Variants in RAB20 observed in about 807,000 individuals in gnomAD.
RAB20 encodes the protein ras-related protein Rab-20.
In RAB20, 2 loss-of-function variants were observed where a neutral mutation model predicts 3.7. That is an observed-to-expected ratio of 0.54 (90% CI 0.22 to 1.69). The LOEUF is 1.69. RAB20 is among the 40% of genes most tolerant of loss of function. The probability of loss-of-function intolerance (pLI) is 0.19; values close to 1 mark genes in which losing one functional copy is unlikely to be tolerated. For synonymous variants in RAB20, 126 were observed against 130.8 expected (o/e 0.96, Z 0.25); for missense variants, 276 against 311.9 (o/e 0.88, Z 0.87).
At chr13:110,557,613 A>G (rs1208694527) in intron 1 of RAB20, among the ~76,000 whole-genome samples, 1 of 152,248 alleles carries the variant, frequency 6.6e-6, no homozygotes, top group Non-Finnish European at 1.5e-5. Flanking sequence ...GCTCCCACAG[A>G]CGTGCATCCA....
Position 110,523,469 on chromosome 13 carries a change from CCTCTG to C in RAB20, c.*191_*195del. The stretch of plus-strand genomic sequence containing the variant: ...GATTCCTGTTTCCCACCTCCCCACC[CCTCTG>C]ACAGAGACTGAGGAGACCACACACG... On this transcript the variant is annotated 3_prime_UTR_variant, in exon 2 of 2. Transcript: ENST00000267328. 9.2e-7 allele frequency: 1 copy of C among 1,086,876 alleles called. No homozygotes were observed. The highest frequency in any genetic ancestry group is 1.3e-6 in the Non-Finnish European group (1 of 783,778). The allele number at this position is 1,086,876 out of a possible 1,614,324, so 67.3% of individuals were successfully genotyped here.
Position 110,555,207 on chromosome 13 carries a change from C to T in RAB20, c.172+6141G>A, listed in dbSNP as rs78566711. The stretch of plus-strand genomic sequence containing the variant: ...GGAAGCACGAGTTTCGGAGGCAGCC[C>T]GTCCTGTTACACACAGGCCACACCT... On this transcript the variant is annotated intron_variant, in intron 1 of 1. Coordinates refer to ENST00000267328, the MANE Select transcript of RAB20 (RefSeq NM_017817.3). This position sits in a 1 kb window ranked among gnomAD's most constrained non-coding sequence, Gnocchi z 4.0. Among the ~76,000 whole-genome samples the T allele has an allele frequency of 6.1e-3, 927 of 152,278 alleles. 12 individuals are homozygous for T. The highest frequency in any genetic ancestry group is 0.021 in the African/African-American group (883 of 41,550).
intron 1 of RAB20, among the ~76,000 whole-genome samples, chr13:110,528,533 G>T (rs1270768569): frequency 6.6e-6 from 1 of 151,690 alleles, no homozygotes; most frequent in African/African-American, 2.4e-5. Context: ...GCATCATGAG[G>T]TTTTTACATG....
In RAB20 at chr13:110,561,341, G is replaced by A. The variant is rs760085388; in HGVS notation, c.172+7C>T. 5 of 1,591,832 alleles carry A rather than the reference G, an allele frequency of 3.1e-6. No individual in the cohort carries two copies. The highest frequency in any genetic ancestry group is 2.4e-5 in the East Asian group (1 of 42,312). The stretch of plus-strand genomic sequence containing the variant: ...GGGCGGTGTGGCTCATGCGGCGCCG[G>A]CCTCACCTGCGGTGTCCCAGATGGA... On this transcript the variant is annotated splice_region_variant and intron_variant, in intron 1 of 1. Transcript: ENST00000267328.
Position 110,534,660 on chromosome 13 carries a change from C to T in RAB20, c.173-10463G>A, listed in dbSNP as rs187731730. On this transcript the variant is annotated intron_variant, in intron 1 of 1. Transcript: ENST00000267328. Reference sequence around the variant, plus strand: ...CCAAATGCTGATCCAATATGAACACCCTCTACTGTGCACCCCAGGGGGCTT... The same window carrying T: ...CCAAATGCTGATCCAATATGAACACTCTCTACTGTGCACCCCAGGGGGCTT... Among the ~76,000 whole-genome samples, 84 of 152,314 alleles carry T rather than the reference C, an allele frequency of 5.5e-4. No homozygotes were observed. The East Asian group carries it at 0.015, about 28-fold the overall frequency.
At position 110,538,623 on chromosome 13, in the gene RAB20, G is replaced by A. The variant is rs12876013; in HGVS notation, c.173-14426C>T. On this transcript the variant is annotated intron_variant, in intron 1 of 1. Coordinates refer to ENST00000267328, the MANE Select transcript of RAB20 (RefSeq NM_017817.3). ...AAAAAAAAAAAAAAAAAAAAAGAAA[G>A]AAAAGAAAAGAAAAGAAAAAGAAAT... Among the ~76,000 whole-genome samples the A allele has an allele frequency of 9.7e-3, 601 of 62,202 alleles. 14 individuals carry two copies. Among genetic ancestry groups the A allele is most frequent in the Middle Eastern group, 0.018 (2 of 114 alleles). 40.8% of individuals were successfully genotyped at this position (62,202 alleles called of 152,430 possible). A position where few individuals can be genotyped will look rare whatever the true frequency, so the allele number is the denominator to read the frequency against.
chr13:110,542,962 T>C (rs183113998), intron 1 of RAB20, among the ~76,000 whole-genome samples: 212 of 152,284 alleles, frequency 1.4e-3, no homozygotes, highest in Non-Finnish European at 2.4e-3. Context: ...CACTTACCCT[T>C]TGTCTTTCTG....
chr13:110,551,185 T>C (rs1439103315), intron 1 of RAB20, among the ~76,000 whole-genome samples: 1 of 152,074 alleles, frequency 6.6e-6, no homozygotes, highest in African/African-American at 2.4e-5. Context: ...AGTTTATAAA[T>C]CCAAGGAAAG....
intron 1 of RAB20, among the ~76,000 whole-genome samples, chr13:110,556,479 T>C (rs373841920): frequency 6.6e-6 from 1 of 152,176 alleles, no homozygotes; most frequent in Non-Finnish European, 1.5e-5. Context: ...AGAGACTCAT[T>C]TGGGACTTCT....
At chr13:110,537,360 A>G (rs547513975) in intron 1 of RAB20, among the ~76,000 whole-genome samples, 3 of 151,998 alleles carry the variant, frequency 2.0e-5, no homozygotes. Flanking sequence ...GGAATAAGCA[A>G]TGCCCTCTAA....
chr13:110,539,796 G>A (rs940182101), intron 1 of RAB20, among the ~76,000 whole-genome samples: 1 of 152,142 alleles, frequency 6.6e-6, no homozygotes, highest in South Asian at 2.1e-4. Context: ...CTGACCTCAG[G>A]TGATCCACCC....
In RAB20 at chr13:110,561,637, A is replaced by T. The variant is rs1308520015; in HGVS notation, c.-118T>A. The stretch of plus-strand genomic sequence containing the variant: ...CTCGCCGGGACCCGGATTCTCGTGA[A>T]CGCTCCGGGACCTTCGCCTCCGGAC... On this transcript the variant is annotated 5_prime_UTR_variant, in exon 1 of 2. Coordinates refer to ENST00000267328, the MANE Select transcript of RAB20 (RefSeq NM_017817.3). 6 of 1,429,808 alleles carry T rather than the reference A, an allele frequency of 4.2e-6. No homozygotes were observed. Among genetic ancestry groups the T allele is most frequent in the Non-Finnish European group, 5.5e-6 (6 of 1,090,550 alleles). The allele number at this position is 1,429,808 out of a possible 1,614,324, so 88.6% of individuals were successfully genotyped here.
rs560821831 is a variant in RAB20, at chr13:110,523,500, T to C, written c.*165A>G. On this transcript the variant is annotated 3_prime_UTR_variant, in exon 2 of 2. Transcript: ENST00000267328. ...ACAGAGACTGAGGAGACCACACACG[T>C]TGACCTCCTCTTCATAGCCAGCCAT... 13 of 1,294,770 alleles carry C rather than the reference T, an allele frequency of 1.0e-5. No individual in the cohort carries two copies. Among genetic ancestry groups the C allele is most frequent in the African/African-American group, 6.0e-5 (4 of 66,718 alleles). The allele number at this position is 1,294,770 out of a possible 1,614,324, so 80.2% of individuals were successfully genotyped here.
chr13:110,529,693 C>T (rs1427911970), intron 1 of RAB20, among the ~76,000 whole-genome samples: 2 of 152,174 alleles, frequency 1.3e-5, no homozygotes, highest in Non-Finnish European at 2.9e-5. Flanking sequence ...ACTACCAACA[C>T]GGGCCTGACA....
At chr13:110,540,941 C>CG (rs1884749184) in intron 1 of RAB20, among the ~76,000 whole-genome samples, 1 of 152,148 alleles carries the variant, frequency 6.6e-6, no homozygotes, top group Non-Finnish European at 1.5e-5. Flanking sequence ...CAGCAAGCCC[C>CG]GCGCAGCTGC....
rs1252139465 is a variant in RAB20 at position 110,523,710 on chromosome 13, G to A, written c.660C>T (p.Ser220=). 3 of 1,614,210 alleles carry A rather than the reference G, an allele frequency of 1.9e-6. No individual in the cohort carries two copies. Among genetic ancestry groups the A allele is most frequent in the East Asian group, 2.2e-5 (1 of 44,884 alleles). The change falls in exon 2 of 2, where the codon TCC becomes TCT. Residue 220 remains serine (S), a synonymous_variant. Transcript: ENST00000267328. ...AERPSHTVDI[S]SHKPPKRTRS... Reference sequence around the variant, plus strand: ...TGGTCCTCTTGGGTGGCTTATGACTGGATATATCCACTGTGTGTGACGGCC... The same window carrying A: ...TGGTCCTCTTGGGTGGCTTATGACTAGATATATCCACTGTGTGTGACGGCC...
intron 1 of RAB20, among the ~76,000 whole-genome samples, chr13:110,543,936 G>A (rs900526232): frequency 1.2e-4 from 18 of 151,824 alleles, no homozygotes; most frequent in Non-Finnish European, 1.9e-4. Flanking sequence ...CACCACACCC[G>A]GCCAATTTTT....
At chr13:110,561,004 G>C (rs897815245) in intron 1 of RAB20, among the ~76,000 whole-genome samples, 2 of 152,174 alleles carry the variant, frequency 1.3e-5, no homozygotes, top group Admixed American at 1.3e-4. Flanking sequence ...ATGTTCCTAC[G>C]GGTACGTGAA....
intron 1 of RAB20, among the ~76,000 whole-genome samples, chr13:110,556,095 A>C (rs1885034342): frequency 6.6e-6 from 1 of 152,214 alleles, no homozygotes; most frequent in East Asian, 1.9e-4. Context: ...ATTACACAGG[A>C]GGAGCCTGAT....
Sources: gnomAD v4.1 joint callset for allele counts (sites outside exome capture counted in the v4.1 genomes callset) on GRCh38, gnomAD v4.1.1 for gene constraint, Gnocchi (gnomAD v3.1) non-coding constraint, MANE v1.5 for transcripts, NCBI Gene and HGNC (gene_info 2026-07-23, HGNC 2026-07-21) for gene names.